The following STAT5B variants were observed in gnomAD, a reference collection of about 807,000 sequenced individuals.
STAT5B encodes the protein transcription factor STAT5B.
In STAT5B, 21 loss-of-function variants were observed where a neutral mutation model predicts 107.8. That is an observed-to-expected ratio of 0.19 (90% CI 0.14 to 0.28). The LOEUF (loss-of-function observed/expected upper bound fraction) is 0.28, where lower values mean the gene tolerates loss of function less well. Among genes scored for constraint, STAT5B ranks in the 10% least tolerant of loss-of-function variants. The pLI, the probability that STAT5B is intolerant of heterozygous loss-of-function variation, is 1.00. For synonymous variants in STAT5B, 325 were observed against 401.7 expected (o/e 0.81, Z 2.28); for missense variants, 565 against 1,008.2 (o/e 0.56, Z 5.95).
chr17:42,279,008 G>A (rs1040766265), upstream of STAT5B, among the ~76,000 whole-genome samples: 2 of 151,106 alleles, frequency 1.3e-5, no homozygotes, highest in African/African-American at 4.9e-5. Context: ...GTAAAGACAG[G>A]GTCTCATTAT....
chr17:42,278,668 C>T (rs893982273), upstream of STAT5B, among the ~76,000 whole-genome samples: 2 of 152,138 alleles, frequency 1.3e-5, no homozygotes, highest in Non-Finnish European at 2.9e-5. Context: ...TGCACCACTA[C>T]TCCCAGATTA....
At chr17:42,240,414 C>A (rs2080392195) in intron 1 of STAT5B, among the ~76,000 whole-genome samples, 1 of 152,158 alleles carries the variant, frequency 6.6e-6, no homozygotes, top group Admixed American at 6.5e-5. Flanking sequence ...CTGTAAATTC[C>A]ATTTTTATGA....
At chr17:42,246,793 C>T (rs888734191) in intron 1 of STAT5B, among the ~76,000 whole-genome samples, 3 of 152,150 alleles carry the variant, frequency 2.0e-5, no homozygotes, top group Non-Finnish European at 4.4e-5. Flanking sequence ...TTTCTAAACA[C>T]AAACAAACAC....
intron 11 of STAT5B, among the ~76,000 whole-genome samples, chr17:42,216,685 T>C (rs964259432): frequency 6.6e-6 from 1 of 151,590 alleles, no homozygotes; most frequent in Non-Finnish European, 1.5e-5. Context: ...GCCTTGCTTG[T>C]TCATGTCTTT....
chr17:42,236,545 G>A (rs1181109625), intron 1 of STAT5B, among the ~76,000 whole-genome samples: 1 of 152,106 alleles, frequency 6.6e-6, no homozygotes, highest in Non-Finnish European at 1.5e-5. Context: ...GAGTTCAAGC[G>A]ATTCTCCTGC....
chr17:42,199,523 T>G lies in STAT5B; in HGVS notation c.*2215A>C, dbSNP rs978368117. 1 of 152,264 alleles carries G rather than the reference T, an allele frequency of 6.6e-6. No individual in the cohort carries two copies. The highest frequency in any genetic ancestry group is 2.4e-5 in the African/African-American group (1 of 41,426). The allele number at this position is 152,264 out of a possible 1,614,324, so 9.4% of individuals were successfully genotyped here. A position where few individuals can be genotyped will look rare whatever the true frequency, so the allele number is the denominator to read the frequency against. On this transcript the variant is annotated 3_prime_UTR_variant, in exon 19 of 19. Coordinates refer to ENST00000293328, the MANE Select transcript of STAT5B (RefSeq NM_012448.4). ...TGTCTGGGAGTGGGTGAGAGGCTGA[T>G]GGGGTCGAGACACACCACTACCTTT...
intron 5 of STAT5B, 51 bp downstream of exon 5, chr17:42,223,331 G>T (rs1395166271): frequency 6.2e-7 from 1 of 1,613,364 alleles, no homozygotes; most frequent in Non-Finnish European, 8.5e-7. Flanking sequence ...CTGCTTTCCA[G>T]TCCCCAGGCC....
At chr17:42,250,710 G>A (rs540301686) in intron 1 of STAT5B, among the ~76,000 whole-genome samples, 1 of 152,126 alleles carries the variant, frequency 6.6e-6, no homozygotes, top group East Asian at 1.9e-4. Flanking sequence ...GGATCATGAG[G>A]TCAGGAGATC....
chr17:42,247,918 A>G (rs1287027520), intron 1 of STAT5B, among the ~76,000 whole-genome samples: 1 of 151,704 alleles, frequency 6.6e-6, no homozygotes, highest in Non-Finnish European at 1.5e-5. Flanking sequence ...GCGCCACTGC[A>G]TGCCAGATGG....
intron 1 of STAT5B, among the ~76,000 whole-genome samples, chr17:42,266,637 G>A (rs1442169302): frequency 2.0e-5 from 3 of 151,844 alleles, no homozygotes; most frequent in Non-Finnish European, 2.9e-5. Flanking sequence ...TACTGTGGAA[G>A]GTTGAGGTGG....
At chr17:42,217,893 AC>A in intron 9 of STAT5B, 1 of 526,624 alleles carries the variant, frequency 1.9e-6, no homozygotes, top group Non-Finnish European at 3.3e-6. Flanking sequence ...TTTAGTAGAG[AC>A]AGGGTTTCAC....
chr17:42,278,979 C>CA (rs1049288377), upstream of STAT5B, among the ~76,000 whole-genome samples: 215 of 134,946 alleles, frequency 1.6e-3, 4 homozygotes, highest in African/African-American at 1.2e-3. Context: ...GACTCCATCT[C>CA]AAAAAAAAAA....
chr17:42,218,394 C>T, intron 8 of STAT5B, 64 bp from the exon 9 acceptor site: 4 of 1,579,802 alleles, frequency 2.5e-6, no homozygotes, highest in South Asian at 2.3e-5. Context: ...GCTCTCAGTC[C>T]CTCTGTGGTG....
chr17:42,251,412 T>C (rs1251706634), intron 1 of STAT5B, among the ~76,000 whole-genome samples: 3 of 152,234 alleles, frequency 2.0e-5, no homozygotes, highest in Non-Finnish European at 4.4e-5. Context: ...ATTAGTTACA[T>C]TATTATCCAT....
chr17:42,226,061 A>G (rs1416924467), intron 3 of STAT5B, among the ~76,000 whole-genome samples: 1 of 152,110 alleles, frequency 6.6e-6, no homozygotes, highest in Non-Finnish European at 1.5e-5. Context: ...CAGCCTCCCA[A>G]GTAGCTGGGA....
chr17:42,231,947 T>G, intron 2 of STAT5B, 53 bp downstream of exon 2: 1 of 1,610,838 alleles, frequency 6.2e-7, no homozygotes, highest in Non-Finnish European at 8.5e-7. Flanking sequence ...CTAAACAAAC[T>G]CCAATATTCT....
At chr17:42,248,021 T>C (rs1425929672) in intron 1 of STAT5B, among the ~76,000 whole-genome samples, 2 of 151,632 alleles carry the variant, frequency 1.3e-5, no homozygotes, top group Non-Finnish European at 2.9e-5. Context: ...CTCATGCCTG[T>C]AAACCCAGCA....
chr17:42,228,828 GGAGGCT>G (rs2080295366), intron 2 of STAT5B, among the ~76,000 whole-genome samples: 4 of 152,132 alleles, frequency 2.6e-5, no homozygotes, highest in Admixed American at 2.6e-4. Context: ...CAGCTACTTG[GGAGGCT>G]GAGGCAGGAG....
chr17:42,220,772 T>C (rs1200968016), intron 5 of STAT5B, among the ~76,000 whole-genome samples: 6 of 151,826 alleles, frequency 4.0e-5, no homozygotes, highest in Non-Finnish European at 8.8e-5. Flanking sequence ...GGGAGTAAGT[T>C]AGGCCTCATT....
Sources: allele counts gnomAD v4.1 joint callset (sites outside exome capture counted in the v4.1 genomes callset), GRCh38; gene constraint gnomAD v4.1.1; transcripts MANE v1.5; gene names NCBI Gene and HGNC (gene_info 2026-07-23, HGNC 2026-07-21).